Variants in WDR72 observed in about 807,000 individuals in gnomAD.
WDR72 encodes the protein WD repeat domain 72.
A neutral mutation model predicts 124.2 loss-of-function variants in WDR72; 120 were observed. The ratio of observed to expected loss-of-function variants is 0.97; its 90% CI spans 0.83 to 1.12. The LOEUF is 1.12. Among genes scored for constraint, WDR72 ranks in the 50% most tolerant of loss-of-function variants. WDR72 has a pLI of 0.00. For missense variants in WDR72, 1,387 were observed against 1,278.8 expected (o/e 1.08, Z -1.29); for synonymous variants, 452 against 441.7 (o/e 1.02, Z -0.29).
chr15:53,665,439 T>C, intron 14 of WDR72, 133 bp downstream of exon 14: 1 of 968,456 alleles, frequency 1.0e-6, no homozygotes. Flanking sequence ...CACCCAAGAT[T>C]ACTTGGTAGA....
At chr15:53,631,113 C>T (rs1391788044) in intron 14 of WDR72, among the ~76,000 whole-genome samples, 1 of 152,100 alleles carries the variant, frequency 6.6e-6, no homozygotes, top group Non-Finnish European at 1.5e-5. Flanking sequence ...GGAGGTGGTG[C>T]CTGGTGAGAA....
At chr15:53,526,651 T>C (rs1336344357) in intron 18 of WDR72, among the ~76,000 whole-genome samples, 1 of 152,208 alleles carries the variant, frequency 6.6e-6, no homozygotes, top group East Asian at 1.9e-4. Flanking sequence ...ACTATACATA[T>C]TGACTTTTAT....
At chr15:53,730,609 T>C (rs956521217) in intron 2 of WDR72, among the ~76,000 whole-genome samples, 81 of 152,156 alleles carry the variant, frequency 5.3e-4, no homozygotes, top group African/African-American at 1.9e-3. Flanking sequence ...TGGCTCCCTG[T>C]TCACTTTACA....
chr15:53,715,640 C>G (rs2017682488), intron 4 of WDR72, among the ~76,000 whole-genome samples: 1 of 147,452 alleles, frequency 6.8e-6, no homozygotes, highest in African/African-American at 2.4e-5. Context: ...TATATTATTT[C>G]TGGAGTGCAA....
At chr15:53,642,229 G>T (rs1300341680) in intron 14 of WDR72, among the ~76,000 whole-genome samples, 2 of 151,932 alleles carry the variant, frequency 1.3e-5, no homozygotes, top group African/African-American at 4.8e-5. Flanking sequence ...AGTAATAATT[G>T]TATATTAGCA....
intron 13 of WDR72, among the ~76,000 whole-genome samples, chr15:53,675,323 CAG>C (rs1250247828): frequency 2.2e-5 from 3 of 134,834 alleles, no homozygotes; most frequent in Non-Finnish European, 4.6e-5. Context: ...AGCCTTGAGA[CAG>C]AGTGAGACTC....
At chr15:53,593,613 T>C (rs1380907569) in intron 18 of WDR72, among the ~76,000 whole-genome samples, 4 of 151,720 alleles carry the variant, frequency 2.6e-5, no homozygotes, top group African/African-American at 7.3e-5. Context: ...AATACAAAAA[T>C]TAGCCAGGTG....
chr15:53,608,567 C>A (rs1301972897), intron 17 of WDR72, among the ~76,000 whole-genome samples: 1 of 151,860 alleles, frequency 6.6e-6, no homozygotes, highest in South Asian at 2.1e-4. Context: ...CCAGCCTGGG[C>A]AACATGGCAA....
intron 18 of WDR72, among the ~76,000 whole-genome samples, chr15:53,553,465 A>G (rs2140282972): frequency 1.3e-5 from 2 of 152,256 alleles, no homozygotes; most frequent in Middle Eastern, 3.4e-3. Context: ...AGTGATATTT[A>G]TAGAAATATT....
chr15:53,716,247 G>C (rs776402990), intron 4 of WDR72, among the ~76,000 whole-genome samples: 1 of 152,152 alleles, frequency 6.6e-6, no homozygotes, highest in African/African-American at 2.4e-5. Context: ...AATTGGAAAT[G>C]AGGGAGAAAA....
At chr15:53,602,959 G>A (rs916614407) in intron 17 of WDR72, among the ~76,000 whole-genome samples, 36 of 152,022 alleles carry the variant, frequency 2.4e-4, no homozygotes, top group African/African-American at 7.5e-4. Context: ...AAATAGAAAA[G>A]GAAAGGATTC....
chr15:53,668,962 A>AGGAGGAGGAGG (rs2015882898), intron 13 of WDR72, among the ~76,000 whole-genome samples: 1 of 15,566 alleles, frequency 6.4e-5, no homozygotes, highest in Non-Finnish European at 2.4e-4. Flanking sequence ...GGAGGAGGAG[A>AGGAGGAGGAGG]AGGAGGAGGA....
chr15:53,564,105 T>C (rs1315162059), intron 18 of WDR72, among the ~76,000 whole-genome samples: 1 of 151,826 alleles, frequency 6.6e-6, no homozygotes, highest in African/African-American at 2.4e-5. Flanking sequence ...GGTGTTTTTC[T>C]TGTAACCAAG....
intron 14 of WDR72, among the ~76,000 whole-genome samples, chr15:53,617,549 C>T (rs927647669): frequency 6.6e-6 from 1 of 151,408 alleles, no homozygotes; most frequent in African/African-American, 2.4e-5. Flanking sequence ...ATTATAAGAG[C>T]AAATTTGTCA....
At chr15:53,650,985 G>T (rs1197655624) in intron 14 of WDR72, among the ~76,000 whole-genome samples, 1 of 140,984 alleles carries the variant, frequency 7.1e-6, no homozygotes, top group Non-Finnish European at 1.5e-5. Flanking sequence ...GTAAAATCGT[G>T]AAAAGACTCC....
intron 6 of WDR72, among the ~76,000 whole-genome samples, chr15:53,713,511 C>T (rs1300553669): frequency 2.0e-5 from 3 of 148,768 alleles, no homozygotes; most frequent in Non-Finnish European, 3.0e-5. Flanking sequence ...AGTGCAGTGG[C>T]AGGATCTCGG....
chr15:53,732,070 T>A (rs1396680706), intron 2 of WDR72, among the ~76,000 whole-genome samples: 1 of 152,196 alleles, frequency 6.6e-6, no homozygotes. Context: ...AGGGAGCCAC[T>A]ATTTTTAAAG....
chr15:53,714,423 C>A lies in WDR72; in HGVS notation c.591+11G>T. 4 of 1,611,632 alleles carry A rather than the reference C, an allele frequency of 2.5e-6. No individual in the cohort carries two copies. The highest frequency in any genetic ancestry group is 3.4e-6 in the Non-Finnish European group (4 of 1,178,180). The stretch of plus-strand genomic sequence containing the variant: ...ATTGTAAGGAAAAAAGAGTAGGGTT[C>A]CCAAGCCAACCTGAATGCTGTTGAT... On this transcript the variant is annotated intron_variant, in intron 6 of 19. Coordinates refer to ENST00000360509, the MANE Select transcript of WDR72 (RefSeq NM_182758.4).
At chr15:53,546,588 G>A (rs925470566) in intron 18 of WDR72, among the ~76,000 whole-genome samples, 17 of 151,880 alleles carry the variant, frequency 1.1e-4, no homozygotes, top group Non-Finnish European at 1.6e-4. Flanking sequence ...TGGGTGCAGC[G>A]CACCAGCATG....
Sources: allele counts gnomAD v4.1 joint callset (sites outside exome capture counted in the v4.1 genomes callset), GRCh38; gene constraint gnomAD v4.1.1; transcripts MANE v1.5; gene names NCBI Gene and HGNC (gene_info 2026-07-23, HGNC 2026-07-21).